LTA: variants seen among roughly 807,000 people sequenced by gnomAD.
The protein encoded by LTA is lymphotoxin alpha.
In LTA, 6 loss-of-function variants were observed where a neutral mutation model predicts 15.1. The observed-to-expected ratio is 0.40, with a 90% confidence interval of 0.22 to 0.78. The LOEUF is 0.78. Among genes scored for constraint, LTA ranks in the 30% least tolerant of loss-of-function variants. The pLI is 0.38. For synonymous variants in LTA, 87 were observed against 107.3 expected (o/e 0.81, Z 1.17); for missense variants, 173 against 249.5 (o/e 0.69, Z 2.06).
Position 31,573,975 on chromosome 6 carries a change from G to T in LTA, c.*282G>T. Reference sequence around the variant, plus strand: ...TGTTGGTCTGTCCCACCAGCTAGGTGGGGCCTAGATCCACACACAGAGGAA... The same window carrying T: ...TGTTGGTCTGTCCCACCAGCTAGGTTGGGCCTAGATCCACACACAGAGGAA... On this transcript the variant is annotated 3_prime_UTR_variant, in exon 4 of 4. Transcript: ENST00000418386. The T allele has an allele frequency of 1.6e-6, 1 of 616,736 alleles. No homozygotes were observed. Among genetic ancestry groups the T allele is most frequent in the East Asian group, 3.1e-5 (1 of 32,480 alleles). The allele number at this position is 616,736 out of a possible 1,614,324, so 38.2% of individuals were successfully genotyped here.
Position 31,572,997 on chromosome 6 carries a change from G to T in LTA, c.169G>T (p.Ala57Ser), listed in dbSNP as rs1442606331. ...CCGTCAGCACCCCAAGATGCATCTT[G>T]CCCACAGCACCCTCAAACCTGCTGC... ...TARQHPKMHL[A>S]HSTLKPAAHL... Residue 57 changes from alanine (A) to serine (S), a missense_variant, in exon 3 of 4, where the codon GCC becomes TCC. Transcript: ENST00000418386. 6.2e-7 allele frequency: 1 copy of T among 1,612,412 alleles called. No homozygotes were observed. The highest frequency in any genetic ancestry group is 8.5e-7 in the Non-Finnish European group (1 of 1,179,842).
Position 31,572,758 on chromosome 6 carries a change from C to T in LTA, c.16C>T (p.Arg6Cys), listed in dbSNP as rs1478533751. Residue 6 changes from arginine to cysteine, a missense_variant, in exon 2 of 4, where the codon CGT (arginine) becomes TGT (cysteine). Transcript: ENST00000418386. MTPPE[R>C]LFLPRVCGTT... The stretch of plus-strand genomic sequence containing the variant: ...GGTTCTCCCCATGACACCACCTGAA[C>T]GTCTCTTCCTCCCAAGGGTGTGTGG... 10 of 1,609,378 alleles carry T rather than the reference C, an allele frequency of 6.2e-6. No homozygotes were observed. Among genetic ancestry groups the T allele is most frequent in the Admixed American group, 1.7e-5 (1 of 59,960 alleles).
upstream of LTA, among the ~76,000 whole-genome samples, chr6:31,569,674 G>A (rs1401919783): frequency 6.6e-6 from 1 of 152,014 alleles, no homozygotes; most frequent in East Asian, 1.9e-4. Flanking sequence ...GCGTGTGCCT[G>A]TAATCCCAGC....
the LTA span, among the ~76,000 whole-genome samples, chr6:31,562,159 G>A: frequency 6.6e-6 from 1 of 151,944 alleles, no homozygotes; most frequent in Non-Finnish European, 1.5e-5. Flanking sequence ...CATGTTTGAG[G>A]CTTCAAAGAG....
the LTA span, among the ~76,000 whole-genome samples, chr6:31,566,149 A>G: frequency 6.7e-6 from 1 of 150,364 alleles, no homozygotes; most frequent in Admixed American, 6.7e-5. Flanking sequence ...TAGCACTCCA[A>G]CCTGGGCAAC....
At chr6:31,572,626 C>A (rs1384048257) in intron 1 of LTA, 108 bp from the exon 2 acceptor site, 3 of 710,192 alleles carry the variant, frequency 4.2e-6, no homozygotes, top group East Asian at 2.6e-5. Flanking sequence ...CTCTGTCGAT[C>A]TCTCTCTCGG....
chr6:31,570,567 A>G (rs1006286713), upstream of LTA, among the ~76,000 whole-genome samples: 2 of 152,228 alleles, frequency 1.3e-5, no homozygotes, highest in African/African-American at 4.8e-5. Flanking sequence ...TAAACCTTGT[A>G]ACTTGCAAGC....
the LTA span, among the ~76,000 whole-genome samples, chr6:31,565,745 A>G: frequency 4.3e-4 from 66 of 152,046 alleles, no homozygotes; most frequent in Non-Finnish European, 6.6e-4. Context: ...TGTTGTTTCT[A>G]CCCCTGGAAT....
At chr6:31,566,946 AAAG>A in the LTA span, among the ~76,000 whole-genome samples, 2 of 150,962 alleles carry the variant, frequency 1.3e-5, no homozygotes, top group African/African-American at 4.9e-5. Context: ...TCTCCAAAAA[AAAG>A]AAAGAAAAAA....
chr6:31,564,321 C>G, the LTA span, among the ~76,000 whole-genome samples: 1 of 152,070 alleles, frequency 6.6e-6, no homozygotes, highest in African/African-American at 2.4e-5. Flanking sequence ...GCTCTGTCAC[C>G]CAGGCTGGAG....
the LTA span, among the ~76,000 whole-genome samples, chr6:31,565,641 A>G: frequency 6.6e-6 from 1 of 152,086 alleles, no homozygotes; most frequent in Admixed American, 6.6e-5. Context: ...GACTTACCAC[A>G]CCCAAAATAG....
upstream of LTA, among the ~76,000 whole-genome samples, chr6:31,569,054 G>C (rs1583034719): frequency 6.6e-6 from 1 of 152,212 alleles, no homozygotes; most frequent in Non-Finnish European, 1.5e-5. Flanking sequence ...TTGTTGCCCA[G>C]GCTGGAGGGC....
intron 3 of LTA, 111 bp from the exon 4 acceptor site, chr6:31,573,170 C>A: frequency 8.1e-7 from 1 of 1,228,654 alleles, no homozygotes; most frequent in Non-Finnish European, 1.2e-6. Flanking sequence ...TCCTATGCCT[C>A]CCCCTGCCAT....
At chr6:31,567,668 A>ACG (rs1562469910), upstream of LTA, among the ~76,000 whole-genome samples, 6 of 57,254 alleles carry the variant, frequency 1.0e-4, no homozygotes, top group Non-Finnish European at 1.5e-4. Context: ...ACACACACAC[A>ACG]CACACACACG....
chr6:31,565,601 G>A, the LTA span, among the ~76,000 whole-genome samples: 97,657 of 151,904 alleles, frequency 0.64, 31,758 homozygotes, highest in African/African-American at 0.74. Flanking sequence ...CTGCCCAGTG[G>A]CATCTCTACT....
chr6:31,570,967 C>T (rs1261419433), upstream of LTA, among the ~76,000 whole-genome samples: 1 of 151,670 alleles, frequency 6.6e-6, no homozygotes, highest in Non-Finnish European at 1.5e-5. Flanking sequence ...GTGGTGGCTA[C>T]ATACAGATGG....
At chr6:31,564,004 C>A in the LTA span, among the ~76,000 whole-genome samples, 1 of 152,086 alleles carries the variant, frequency 6.6e-6, no homozygotes, top group Non-Finnish European at 1.5e-5. Context: ...CAGAAGCAGC[C>A]GGAAGTCTTG....
chr6:31,568,771 A>G (rs1583034325), upstream of LTA, among the ~76,000 whole-genome samples: 1 of 152,126 alleles, frequency 6.6e-6, no homozygotes, highest in African/African-American at 2.4e-5. This position sits in a 1 kb window ranked among gnomAD's most constrained non-coding sequence, Gnocchi z 4.1. Context: ...CTGAGATTGA[A>G]ACCAAGATTG....
chr6:31,566,753 G>GA, the LTA span, among the ~76,000 whole-genome samples: 1 of 148,984 alleles, frequency 6.7e-6, no homozygotes. Flanking sequence ...GACCAGCCTG[G>GA]CCAAGATGGT....
Sources: gnomAD v4.1 joint callset for allele counts (sites outside exome capture counted in the v4.1 genomes callset) on GRCh38, gnomAD v4.1.1 for gene constraint, Gnocchi (gnomAD v3.1) non-coding constraint, MANE v1.5 for transcripts, NCBI Gene and HGNC (gene_info 2026-07-23, HGNC 2026-07-21) for gene names.